Variants in PPP1R12A observed in about 807,000 individuals in gnomAD.
PPP1R12A encodes the protein protein phosphatase 1 regulatory subunit 12A.
Under a neutral mutation model 139.6 loss-of-function variants are expected in PPP1R12A, and 19 were observed. That is an observed-to-expected ratio of 0.14 (90% CI 0.09 to 0.20). The LOEUF (loss-of-function observed/expected upper bound fraction) is 0.20, where lower values mean the gene tolerates loss of function less well. Ranked by LOEUF, PPP1R12A falls within the 10% of genes least tolerant of loss-of-function variation. The pLI, the probability that PPP1R12A is intolerant of heterozygous loss-of-function variation, is 1.00. For synonymous variants in PPP1R12A, 427 were observed against 420.6 expected (o/e 1.02, Z -0.19); for missense variants, 925 against 1,211.5 (o/e 0.76, Z 3.51).
intron 9 of PPP1R12A, among the ~76,000 whole-genome samples, chr12:79,814,361 C>T (rs1406288213): frequency 7.3e-5 from 11 of 150,654 alleles, no homozygotes; most frequent in South Asian, 2.1e-4. Flanking sequence ...CCTGTAGTCC[C>T]GGCTACTTGG....
At chr12:79,778,624 GT>G in intron 23 of PPP1R12A, 24 bp from the exon 24 acceptor site, 1 of 1,429,102 alleles carries the variant, frequency 7.0e-7, no homozygotes. Flanking sequence ...AGGTACCAAT[GT>G]TAGTTATATA....
At chr12:79,931,913 G>C (rs188198864) in intron 1 of PPP1R12A, among the ~76,000 whole-genome samples, 31 of 152,098 alleles carry the variant, frequency 2.0e-4, no homozygotes, top group Admixed American at 2.6e-4. Flanking sequence ...GCTGAAGACT[G>C]GATATCTTTT....
Position 79,876,233 on chromosome 12 carries a change from T to TTTA in PPP1R12A, c.238-3298_238-3296dup, listed in dbSNP as rs544332088. On this transcript the variant is annotated intron_variant, in intron 1 of 24. Coordinates refer to ENST00000450142, the MANE Select transcript of PPP1R12A (RefSeq NM_002480.3). The stretch of plus-strand genomic sequence containing the variant: ...ATCTACTTTATTTTTCTCCATACCG[T>TTTA]TTATTACAACATACTATATATACTT... Among the ~76,000 whole-genome samples the TTTA allele has an allele frequency of 3.3e-4, 51 of 152,320 alleles. 1 individual carries two copies. The highest frequency in any genetic ancestry group is 1.9e-3 in the Admixed American group (29 of 15,302).
rs1243013558 is a variant in PPP1R12A at position 79,934,996 on chromosome 12, AG to A, written c.-66del. 3 of 1,500,042 alleles carry A rather than the reference AG, an allele frequency of 2.0e-6. No individual in the cohort carries two copies. The highest frequency in any genetic ancestry group is 2.7e-6 in the Non-Finnish European group (3 of 1,122,144). 92.9% of individuals were successfully genotyped at this position (1,500,042 alleles called of 1,614,324 possible). ...GAAGGGGGAGGCGGAGAGGGAAGAG[AG>A]GGGAGGCAGGGGGTGTGTGAATGTT... On this transcript the variant is annotated 5_prime_UTR_variant, in exon 1 of 25. Transcript: ENST00000450142.
chr12:79,809,194 T>A (rs905786299), intron 10 of PPP1R12A, among the ~76,000 whole-genome samples: 1 of 152,014 alleles, frequency 6.6e-6, no homozygotes, highest in Non-Finnish European at 1.5e-5. Context: ...ATTTCTGATA[T>A]AAGGAAACAT....
intron 2 of PPP1R12A, among the ~76,000 whole-genome samples, chr12:79,872,303 C>T (rs1027931479): frequency 3.9e-5 from 6 of 152,022 alleles, no homozygotes; most frequent in African/African-American, 1.2e-4. Flanking sequence ...TTAGTGTGTA[C>T]CCACACATTA....
intron 19 of PPP1R12A, among the ~76,000 whole-genome samples, chr12:79,791,251 T>C (rs996158637): frequency 1.3e-5 from 2 of 152,220 alleles, no homozygotes; most frequent in African/African-American, 2.4e-5. Flanking sequence ...ATTCACTGAT[T>C]TAAATTTTAA....
intron 2 of PPP1R12A, among the ~76,000 whole-genome samples, chr12:79,846,952 G>T (rs1451902203): frequency 4.6e-5 from 7 of 151,602 alleles, no homozygotes; most frequent in African/African-American, 1.7e-4. Flanking sequence ...ATAAAGAATG[G>T]GTCTTTTCCT....
At chr12:79,864,793 A>C (rs1305317825) in intron 2 of PPP1R12A, among the ~76,000 whole-genome samples, 2 of 152,240 alleles carry the variant, frequency 1.3e-5, no homozygotes, top group Non-Finnish European at 2.9e-5. Flanking sequence ...ATCTCTGAAC[A>C]GGACAATAAC....
At chr12:79,827,492 A>C (rs1876932920) in intron 5 of PPP1R12A, among the ~76,000 whole-genome samples, 2 of 152,136 alleles carry the variant, frequency 1.3e-5, no homozygotes, top group Admixed American at 1.3e-4. Flanking sequence ...AAAGGTAATC[A>C]AACCCACTAG....
intron 2 of PPP1R12A, among the ~76,000 whole-genome samples, chr12:79,859,499 G>C (rs1325364954): frequency 6.6e-6 from 1 of 152,026 alleles, no homozygotes; most frequent in Non-Finnish European, 1.5e-5. Flanking sequence ...CTATAATGCA[G>C]AAGAAAAGCC....
intron 1 of PPP1R12A, among the ~76,000 whole-genome samples, chr12:79,918,298 C>G (rs1887160939): frequency 6.6e-6 from 1 of 152,134 alleles, no homozygotes; most frequent in Non-Finnish European, 1.5e-5. Context: ...AAAAACCACA[C>G]TCCAAGCATG....
chr12:79,908,120 T>A (rs951402182), intron 1 of PPP1R12A, among the ~76,000 whole-genome samples: 2 of 152,224 alleles, frequency 1.3e-5, no homozygotes, highest in Non-Finnish European at 2.9e-5. Flanking sequence ...GGATACTAAC[T>A]AACAATTGAT....
chr12:79,854,950 G>C (rs768987605), intron 2 of PPP1R12A, among the ~76,000 whole-genome samples: 2 of 152,018 alleles, frequency 1.3e-5, no homozygotes, highest in Non-Finnish European at 2.9e-5. Flanking sequence ...TGGGATTATA[G>C]GTGTTGGCCA....
At chr12:79,797,438 A>G (rs1353271903) in intron 15 of PPP1R12A, 43 bp from the exon 16 acceptor site, 1 of 1,478,372 alleles carries the variant, frequency 6.8e-7, no homozygotes, top group Admixed American at 2.5e-5. Context: ...GATGCATTAA[A>G]GCTTGTTTCA....
intron 2 of PPP1R12A, among the ~76,000 whole-genome samples, chr12:79,855,423 AG>A (rs1461052018): frequency 6.6e-6 from 1 of 152,158 alleles, no homozygotes; most frequent in African/African-American, 2.4e-5. Context: ...TACTGTGAAT[AG>A]TGCTGCGATG....
chr12:79,804,893 C>G (rs537151439), intron 14 of PPP1R12A, among the ~76,000 whole-genome samples: 1 of 151,982 alleles, frequency 6.6e-6, no homozygotes, highest in Non-Finnish European at 1.5e-5. Context: ...CAGTTTCCTT[C>G]GGTAAAGCAA....
chr12:79,821,200 A>C lies in PPP1R12A; in HGVS notation c.868-34T>G, dbSNP rs764849587. The C allele has an allele frequency of 8.3e-6, 12 of 1,447,108 alleles. No homozygotes were observed. The South Asian group carries it at 1.2e-4, about 14-fold the overall frequency. The allele number at this position is 1,447,108 out of a possible 1,614,324, so 89.6% of individuals were successfully genotyped here. ...AAAGTTATGCAAAGGAAAATAAGAA[A>C]ACTATTAAGATACTATTACTAAGAT... On this transcript the variant is annotated intron_variant, in intron 6 of 24. Transcript: ENST00000450142.
At chr12:79,853,764 A>C (rs920768961) in intron 2 of PPP1R12A, among the ~76,000 whole-genome samples, 13 of 152,334 alleles carry the variant, frequency 8.5e-5, no homozygotes, top group Non-Finnish European at 1.3e-4. Flanking sequence ...TTAGCATCTT[A>C]CTTTATTACT....
Sources: gnomAD v4.1 joint callset for allele counts (sites outside exome capture counted in the v4.1 genomes callset) on GRCh38, gnomAD v4.1.1 for gene constraint, MANE v1.5 for transcripts, NCBI Gene and HGNC (gene_info 2026-07-23, HGNC 2026-07-21) for gene names.